The following VOPP1 variants were observed in gnomAD, a reference collection of about 807,000 sequenced individuals.
The protein encoded by VOPP1 is VOPP1 WW domain binding protein, also known as WW domain binding protein VOPP1.
VOPP1 carries 8 observed loss-of-function variants against 23.5 expected under a neutral mutation model. That is an observed-to-expected ratio of 0.34 (90% CI 0.20 to 0.61). The LOEUF (loss-of-function observed/expected upper bound fraction) is 0.61. VOPP1 is among the 20% of genes least tolerant of loss of function. The pLI, the probability that VOPP1 is intolerant of heterozygous loss-of-function variation, is 0.78. For synonymous variants in VOPP1, 83 were observed against 97.3 expected (o/e 0.85, Z 0.86); for missense variants, 174 against 238.1 (o/e 0.73, Z 1.77).
chr7:55,551,076 G>C (rs1275907929), intron 1 of VOPP1, among the ~76,000 whole-genome samples: 2 of 152,054 alleles, frequency 1.3e-5, no homozygotes, highest in African/African-American at 4.8e-5. Context: ...TGGTTGGGTT[G>C]GCAAATTATC....
intron 1 of VOPP1, among the ~76,000 whole-genome samples, chr7:55,523,229 G>C (rs540958279): frequency 4.1e-4 from 62 of 152,176 alleles, no homozygotes; most frequent in Non-Finnish European, 7.8e-4. Context: ...AAAAGCATAG[G>C]CAAAAACAAA....
intron 4 of VOPP1, among the ~76,000 whole-genome samples, chr7:55,453,166 G>A (rs1226702939): frequency 6.6e-6 from 1 of 152,208 alleles, no homozygotes; most frequent in Non-Finnish European, 1.5e-5. Context: ...AAGCTATGGA[G>A]ATGACTTCTT....
At chr7:55,551,144 TTCCC>T (rs1350529466) in intron 1 of VOPP1, among the ~76,000 whole-genome samples, 1 of 152,148 alleles carries the variant, frequency 6.6e-6, no homozygotes, top group African/African-American at 2.4e-5. Context: ...CAGACATAAC[TTCCC>T]TCATCAGCCA....
chr7:55,556,150 C>T (rs1797794969), intron 1 of VOPP1, among the ~76,000 whole-genome samples: 1 of 152,230 alleles, frequency 6.6e-6, no homozygotes, highest in African/African-American at 2.4e-5. Context: ...CTCTCCCAGC[C>T]ACCTGCTGAG....
intron 4 of VOPP1, among the ~76,000 whole-genome samples, chr7:55,462,274 G>C (rs908536881): frequency 2.0e-5 from 3 of 151,858 alleles, no homozygotes; most frequent in Non-Finnish European, 4.4e-5. Flanking sequence ...TTCTTTTTTT[G>C]TCTGGCTTTC....
At chr7:55,531,303 G>T (rs1023512123) in intron 1 of VOPP1, among the ~76,000 whole-genome samples, 11 of 151,230 alleles carry the variant, frequency 7.3e-5, no homozygotes, top group Non-Finnish European at 1.3e-4. Flanking sequence ...CAAAAGCAAT[G>T]AACAGGACCA....
chr7:55,448,485 T>C (rs1791157092), intron 4 of VOPP1, among the ~76,000 whole-genome samples: 1 of 152,212 alleles, frequency 6.6e-6, no homozygotes, highest in South Asian at 2.1e-4. Context: ...TCATCCACAA[T>C]TATGCCAAGA....
chr7:55,554,082 T>C (rs939504414), intron 1 of VOPP1, among the ~76,000 whole-genome samples: 3 of 152,198 alleles, frequency 2.0e-5, no homozygotes, highest in Non-Finnish European at 4.4e-5. Context: ...TTATCCAAAA[T>C]TGTGATTACT....
chr7:55,548,685 C>T (rs185779494), intron 1 of VOPP1, among the ~76,000 whole-genome samples: 1 of 152,250 alleles, frequency 6.6e-6, no homozygotes, highest in South Asian at 2.1e-4. Context: ...CTAAGGGACT[C>T]TAACCATCTT....
rs117793918 is a variant in VOPP1, at chr7:55,549,676, G to A, written c.54+22595C>T. ...GTTACCCTGGGAACAGAAACAAGCGGAGGAAGCACCTGCAATGAGCAGAAG... is the reference window on the plus strand; with the variant it reads ...GTTACCCTGGGAACAGAAACAAGCGAAGGAAGCACCTGCAATGAGCAGAAG... On this transcript the variant is annotated intron_variant, in intron 1 of 4. Coordinates refer to ENST00000285279, the MANE Select transcript of VOPP1 (RefSeq NM_030796.5). 8.3e-3 allele frequency among the ~76,000 whole-genome samples: 1,258 copies of A among 152,316 alleles called. 18 individuals carry two copies. Among genetic ancestry groups the A allele is most frequent in the South Asian group, 0.025 (121 of 4,830 alleles).
chr7:55,455,825 C>T (rs953954187), intron 4 of VOPP1, among the ~76,000 whole-genome samples: 90 of 152,108 alleles, frequency 5.9e-4, no homozygotes, highest in African/African-American at 2.0e-3. Flanking sequence ...AATACTTAAA[C>T]GTAAGACCTA....
intron 1 of VOPP1, among the ~76,000 whole-genome samples, chr7:55,560,046 G>C (rs1344048411): frequency 1.3e-5 from 2 of 152,210 alleles, no homozygotes; most frequent in South Asian, 4.1e-4. Context: ...CCCGCTACTT[G>C]GGAGGCTGAG....
intron 1 of VOPP1, among the ~76,000 whole-genome samples, chr7:55,535,748 G>A (rs1194251762): frequency 1.3e-5 from 2 of 152,188 alleles, no homozygotes; most frequent in Non-Finnish European, 2.9e-5. Flanking sequence ...TCCCTTCCGT[G>A]AACTTATTTG....
At chr7:55,557,891 T>A (rs2129055479) in intron 1 of VOPP1, among the ~76,000 whole-genome samples, 1 of 152,330 alleles carries the variant, frequency 6.6e-6, no homozygotes, top group East Asian at 1.9e-4. Flanking sequence ...CCATGCCAGA[T>A]AATGAACTTC....
At chr7:55,540,649 T>C (rs1415967993) in intron 1 of VOPP1, among the ~76,000 whole-genome samples, 4 of 152,132 alleles carry the variant, frequency 2.6e-5, no homozygotes, top group East Asian at 1.9e-4. Flanking sequence ...TCCATGTGTA[T>C]GGACTCAGGG....
intron 4 of VOPP1, among the ~76,000 whole-genome samples, chr7:55,476,424 CGTGT>C (rs1792255417): frequency 2.7e-5 from 1 of 37,504 alleles, no homozygotes; most frequent in South Asian, 1.0e-3. Context: ...TGGCCAGTGG[CGTGT>C]CGGGGGGGTG....
At chr7:55,483,614 T>TGGCTCTCAAGTCACCTTTGA (rs533446447) in intron 4 of VOPP1, among the ~76,000 whole-genome samples, 166 of 152,320 alleles carry the variant, frequency 1.1e-3, no homozygotes, top group African/African-American at 3.4e-3. Context: ...CTCTCCTATG[T>TGGCTCTCAAGTCACCTTTGA]GGCTCTCAAG....
chr7:55,538,626 G>A (rs1281281357), intron 1 of VOPP1: 1 of 1,535,840 alleles, frequency 6.5e-7, no homozygotes, highest in African/African-American at 1.4e-5. Context: ...CAAGAGCACA[G>A]AAGACAGATA....
chr7:55,538,036 C>A (rs1307087460), intron 1 of VOPP1, among the ~76,000 whole-genome samples: 1 of 152,222 alleles, frequency 6.6e-6, no homozygotes, highest in Non-Finnish European at 1.5e-5. Flanking sequence ...ACACTGCCTC[C>A]AGCCTGGCCC....
Sources: gnomAD v4.1 joint callset for allele counts (sites outside exome capture counted in the v4.1 genomes callset) on GRCh38, gnomAD v4.1.1 for gene constraint, MANE v1.5 for transcripts, NCBI Gene and HGNC (gene_info 2026-07-23, HGNC 2026-07-21) for gene names.